The following CNGB3 variants were observed in gnomAD, a reference collection of about 807,000 sequenced individuals.
CNGB3 encodes the protein cyclic nucleotide gated channel subunit beta 3.
In CNGB3, 86 loss-of-function variants were observed where a neutral mutation model predicts 92.8. The ratio of observed to expected loss-of-function variants is 0.93; its 90% CI spans 0.78 to 1.11. The LOEUF is 1.11. CNGB3 is among the 50% of genes least tolerant of loss of function. The pLI is 0.00. For synonymous variants in CNGB3, 333 were observed against 332.7 expected, an observed-to-expected ratio of 1.00 and a Z score of -0.01; for missense variants, 1,026 against 956.8, an observed-to-expected ratio of 1.07 and a Z score of -0.95.
At chr8:86,667,956 A>G in intron 5 of CNGB3, 63 bp downstream of exon 5, 2 of 1,563,824 alleles carry the variant, frequency 1.3e-6, no homozygotes, top group Non-Finnish European at 1.8e-6. Flanking sequence ...TGTGACTTTG[A>G]GTCACAGGGT....
intron 13 of CNGB3, among the ~76,000 whole-genome samples, chr8:86,614,703 G>A (rs772274442): frequency 4.6e-5 from 7 of 152,226 alleles, no homozygotes; most frequent in East Asian, 1.9e-4. Flanking sequence ...AAGCCACAAC[G>A]GCATCGGCCA....
intron 13 of CNGB3, among the ~76,000 whole-genome samples, chr8:86,622,381 T>C (rs2131577552): frequency 6.6e-6 from 1 of 151,912 alleles, no homozygotes; most frequent in African/African-American, 2.4e-5. Flanking sequence ...TCTTCTTTTT[T>C]TTTTTTTTTT....
intron 3 of CNGB3, among the ~76,000 whole-genome samples, chr8:86,679,794 G>A (rs927251109): frequency 6.6e-6 from 1 of 152,110 alleles, no homozygotes; most frequent in South Asian, 2.1e-4. Context: ...CAAAATTGTT[G>A]GGATTACAGG....
rs531161596 is a variant in CNGB3, at chr8:86,728,270, T to C, written c.212-1613A>G. ...ATAAAGATTATGTTTAGGTGAAATA[T>C]TGAAAGTTGTAGGATAGGGACCCTT... On this transcript the variant is annotated intron_variant, in intron 2 of 17. Transcript: ENST00000320005. Among the ~76,000 whole-genome samples, 4 of 152,258 alleles carry C rather than the reference T, an allele frequency of 2.6e-5. No homozygotes were observed. In the South Asian group the frequency reaches 8.3e-4, roughly 32 times the overall value.
intron 15 of CNGB3, among the ~76,000 whole-genome samples, chr8:86,583,018 C>T (rs939008497): frequency 7.6e-6 from 1 of 131,552 alleles, no homozygotes; most frequent in South Asian, 2.6e-4. Context: ...TTACTGCAAC[C>T]TCTGCTTCCT....
At chr8:86,624,838 G>C (rs982396844) in intron 13 of CNGB3, among the ~76,000 whole-genome samples, 4 of 152,172 alleles carry the variant, frequency 2.6e-5, no homozygotes, top group Non-Finnish European at 4.4e-5. Context: ...GTGGAGCCTG[G>C]TGGGAGGTGA....
intron 3 of CNGB3, among the ~76,000 whole-genome samples, chr8:86,718,373 A>G (rs1328984441): frequency 6.6e-6 from 1 of 152,138 alleles, no homozygotes. Context: ...AAGGTTTTTC[A>G]AGGCTACTAT....
In CNGB3 at chr8:86,669,361, A is replaced by G. The variant is rs115398495; in HGVS notation, c.494-1193T>C. Among the ~76,000 whole-genome samples the G allele has an allele frequency of 9.1e-3, 1,390 of 152,342 alleles. 20 individuals are homozygous for G. The highest frequency in any genetic ancestry group is 0.032 in the African/African-American group (1,317 of 41,590). ...GTAACATTTATGAAAATATACAGGTAATGAAAACACTGAAATTTGGAAATA... is the reference window on the plus strand; with the variant it reads ...GTAACATTTATGAAAATATACAGGTGATGAAAACACTGAAATTTGGAAATA... On this transcript the variant is annotated intron_variant, in intron 4 of 17. Coordinates refer to ENST00000320005, the MANE Select transcript of CNGB3 (RefSeq NM_019098.5).
At chr8:86,663,180 T>C (rs1323146035) in intron 6 of CNGB3, among the ~76,000 whole-genome samples, 1 of 152,136 alleles carries the variant, frequency 6.6e-6, no homozygotes, top group Non-Finnish European at 1.5e-5. Context: ...CCAAAAGCAG[T>C]TGATTATAAA....
intron 3 of CNGB3, among the ~76,000 whole-genome samples, chr8:86,696,435 T>C (rs1824451781): frequency 6.6e-6 from 1 of 152,290 alleles, no homozygotes; most frequent in South Asian, 2.1e-4. Context: ...TCAGGGTTTT[T>C]TGGCTGGTTT....
intron 15 of CNGB3, chr8:86,593,652 G>A (rs1822103774): frequency 3.8e-6 from 2 of 523,996 alleles, no homozygotes; most frequent in Non-Finnish European, 7.0e-6. Flanking sequence ...CACTGAGGTG[G>A]ACCCTAATGG....
At chr8:86,579,332 T>G in intron 15 of CNGB3, 80 bp from the exon 16 acceptor site, 1 of 1,462,590 alleles carries the variant, frequency 6.8e-7, no homozygotes, top group Non-Finnish European at 9.5e-7. Flanking sequence ...TAGCAACTAT[T>G]ATAAGTATTT....
chr8:86,589,872 G>C (rs1011350785), intron 15 of CNGB3, among the ~76,000 whole-genome samples: 3 of 152,044 alleles, frequency 2.0e-5, no homozygotes, highest in Non-Finnish European at 2.9e-5. Flanking sequence ...GTGCAGAGCT[G>C]AGTTCAATTC....
At chr8:86,690,876 T>C (rs919144681) in intron 3 of CNGB3, among the ~76,000 whole-genome samples, 5 of 152,152 alleles carry the variant, frequency 3.3e-5, no homozygotes, top group African/African-American at 9.7e-5. Context: ...TGTAGATGTG[T>C]GGTGTTATTT....
At chr8:86,653,937 G>T in intron 7 of CNGB3, 75 bp downstream of exon 7, 1 of 1,011,510 alleles carries the variant, frequency 9.9e-7, no homozygotes, top group Non-Finnish European at 1.6e-6. Context: ...TTTGTTTATA[G>T]AAATCTATAG....
chr8:86,632,880 A>G lies in CNGB3; in HGVS notation c.1192T>C (p.Tyr398His), dbSNP rs1282619662. 1 of 1,612,422 alleles carries G rather than the reference A, an allele frequency of 6.2e-7. No homozygotes were observed. The highest frequency in any genetic ancestry group is 1.1e-5 in the South Asian group (1 of 91,006). The change falls in exon 11 of 18, where the codon TAT (tyrosine) becomes CAT (histidine). Residue 398 changes from tyrosine to histidine, a missense_variant. By Grantham distance (83) the Tyr-to-His change is moderately conservative. Coordinates refer to ENST00000320005, the MANE Select transcript of CNGB3 (RefSeq NM_019098.5). ...ATTAAAGTTCGAACTGCCCAATAATAACATCTCAGATACCTGTGAAAACAG... is the reference window on the plus strand; with the variant it reads ...ATTAAAGTTCGAACTGCCCAATAATGACATCTCAGATACCTGTGAAAACAG... ...DGEGNEYLRC[Y>H]YWAVRTLITI...
chr8:86,668,189 A>AT (rs397893147), intron 4 of CNGB3, 21 bp from the exon 5 acceptor site: 2 of 1,611,778 alleles, frequency 1.2e-6, no homozygotes, highest in Admixed American at 3.3e-5. Flanking sequence ...AAAAAAAAAA[A>AT]GATGAAACAT....
intron 17 of CNGB3, among the ~76,000 whole-genome samples, chr8:86,578,257 C>G (rs894481215): frequency 2.0e-5 from 3 of 152,096 alleles, no homozygotes; most frequent in African/African-American, 7.2e-5. Context: ...AAGGAGAGTG[C>G]CTCTTTTTTC....
At chr8:86,701,069 A>T (rs1317683035) in intron 3 of CNGB3, among the ~76,000 whole-genome samples, 1 of 152,242 alleles carries the variant, frequency 6.6e-6, no homozygotes, top group Admixed American at 6.5e-5. Context: ...CTGCCTCCGC[A>T]GCCTAGAACA....
Sources: gnomAD v4.1 joint callset for allele counts (sites outside exome capture counted in the v4.1 genomes callset) on GRCh38, gnomAD v4.1.1 for gene constraint, MANE v1.5 for transcripts, NCBI Gene and HGNC (gene_info 2026-07-23, HGNC 2026-07-21) for gene names.